The following PLXNA4 variants were observed in gnomAD, a reference collection of about 807,000 sequenced individuals.
The protein encoded by PLXNA4 is plexin-A4.
In PLXNA4, 44 loss-of-function variants were observed where a neutral mutation model predicts 191.8. That is an observed-to-expected ratio of 0.23 (90% CI 0.18 to 0.29). PLXNA4 has a LOEUF of 0.29. PLXNA4 is among the 10% of genes least tolerant of loss of function. The probability of loss-of-function intolerance (pLI) is 1.00; values close to 1 mark genes in which losing one functional copy is unlikely to be tolerated. For synonymous variants in PLXNA4, 1,082 were observed against 1,009.5 expected (o/e 1.07, Z -1.36); for missense variants, 1,800 against 2,488.8 (o/e 0.72, Z 5.89).
intron 4 of PLXNA4, among the ~76,000 whole-genome samples, chr7:132,271,471 T>TC (rs1404097852): frequency 6.7e-6 from 1 of 149,166 alleles, no homozygotes; most frequent in African/African-American, 2.5e-5. Context: ...CAATGTCCCC[T>TC]CCCTCCACCC....
intron 2 of PLXNA4, among the ~76,000 whole-genome samples, chr7:132,610,748 G>C (rs1180421400): frequency 6.6e-6 from 1 of 152,218 alleles, no homozygotes; most frequent in East Asian, 1.9e-4. Context: ...CCATTCATTT[G>C]CCTAAGGCTC....
chr7:132,359,545 A>G (rs1803852018), intron 3 of PLXNA4, among the ~76,000 whole-genome samples: 1 of 152,086 alleles, frequency 6.6e-6, no homozygotes, highest in South Asian at 2.1e-4. Context: ...TGTTCTGTTC[A>G]CTTCATTTGA....
At position 132,524,994 on chromosome 7, in the gene PLXNA4, G is replaced by A. The variant is rs537166501; in HGVS notation, c.-86-16215C>T. Among the ~76,000 whole-genome samples, 68 of 152,160 alleles carry A rather than the reference G, an allele frequency of 4.5e-4. 1 individual carries two copies. Among genetic ancestry groups the A allele is most frequent in the South Asian group, 2.3e-3 (11 of 4,814 alleles). On this transcript the variant is annotated intron_variant, in intron 1 of 31. Coordinates refer to ENST00000321063, the MANE Select transcript of PLXNA4 (RefSeq NM_020911.2). ...TGACATTAAGTATACCCATGTCATG[G>A]TGCAACCATCACTGCCATCCAGAGC...
At chr7:132,630,104 C>A (rs1803463200) in intron 2 of PLXNA4, among the ~76,000 whole-genome samples, 2 of 152,186 alleles carry the variant, frequency 1.3e-5, no homozygotes, top group Admixed American at 6.5e-5. Flanking sequence ...CCTGCCTCGG[C>A]CTCCCAAAGT....
chr7:132,203,631 A>G (rs943188479), intron 10 of PLXNA4, among the ~76,000 whole-genome samples: 15 of 152,226 alleles, frequency 9.9e-5, no homozygotes, highest in African/African-American at 3.6e-4. Flanking sequence ...GGGGTGGAAG[A>G]TAACACAGGG....
chr7:132,178,737 A>C (rs1186054591), intron 20 of PLXNA4, among the ~76,000 whole-genome samples: 5 of 61,254 alleles, frequency 8.2e-5, no homozygotes, highest in African/African-American at 3.5e-4. Flanking sequence ...CACACTTGTA[A>C]ATGAAACACA....
chr7:132,256,891 G>A (rs917004694), intron 4 of PLXNA4, among the ~76,000 whole-genome samples: 1 of 151,630 alleles, frequency 6.6e-6, no homozygotes, highest in Non-Finnish European at 1.5e-5. Context: ...GGGACAGGGT[G>A]GGGGTGAGCA....
At chr7:132,271,315 T>C (rs766992717) in intron 4 of PLXNA4, 1 of 151,748 alleles carries the variant, frequency 6.6e-6, no homozygotes, top group African/African-American at 2.4e-5. Flanking sequence ...CTCATCTTAA[T>C]ATACTAAGTT....
In PLXNA4 at chr7:132,339,815, TGATTA is replaced by T. The variant is rs376216437; in HGVS notation, c.1372-41598_1372-41594del. The stretch of plus-strand genomic sequence containing the variant: ...GCATGCCTGTATTCAGGACTTATTA[TGATTA>T]GATTATAGAATATTTGATTTTAACT... On this transcript the variant is annotated intron_variant, in intron 3 of 31. Transcript: ENST00000321063. 3.2e-4 allele frequency among the ~76,000 whole-genome samples: 48 copies of T among 152,334 alleles called. 3 individuals carry two copies. In the South Asian group the frequency reaches 9.3e-3, roughly 30 times the overall value.
At chr7:132,168,822 G>T (rs1465347002) in intron 21 of PLXNA4, among the ~76,000 whole-genome samples, 1 of 152,208 alleles carries the variant, frequency 6.6e-6, no homozygotes, top group Non-Finnish European at 1.5e-5. Context: ...GGCGGGGCTA[G>T]GATGGCACTC....
intron 4 of PLXNA4, among the ~76,000 whole-genome samples, chr7:132,290,887 C>G (rs1800861988): frequency 6.6e-6 from 1 of 152,194 alleles, no homozygotes; most frequent in African/African-American, 2.4e-5. Flanking sequence ...TAAGAGAAAC[C>G]ATATCCAGGC....
intron 30 of PLXNA4, among the ~76,000 whole-genome samples, chr7:132,136,439 C>G (rs1301772435): frequency 2.0e-5 from 3 of 152,222 alleles, no homozygotes; most frequent in Non-Finnish European, 4.4e-5. Context: ...TGCCCCAGGC[C>G]TGACCTGCTA....
At chr7:132,602,786 A>C (rs557000271) in intron 2 of PLXNA4, among the ~76,000 whole-genome samples, 3 of 152,348 alleles carry the variant, frequency 2.0e-5, no homozygotes, top group East Asian at 3.9e-4. Flanking sequence ...GAAGAGACAC[A>C]GACATGGTGA....
intron 4 of PLXNA4, among the ~76,000 whole-genome samples, chr7:132,260,401 C>T (rs944506194): frequency 6.6e-6 from 1 of 152,084 alleles, no homozygotes; most frequent in African/African-American, 2.4e-5. Flanking sequence ...CAAATTAATG[C>T]AGGAACAGAG....
chr7:132,360,191 A>G (rs1401473740), intron 3 of PLXNA4, among the ~76,000 whole-genome samples: 1 of 152,098 alleles, frequency 6.6e-6, no homozygotes, highest in African/African-American at 2.4e-5. Flanking sequence ...TTCTCTCCCT[A>G]AGCTTACCTT....
intron 4 of PLXNA4, among the ~76,000 whole-genome samples, chr7:132,280,729 C>T (rs2116392335): frequency 6.6e-6 from 1 of 152,280 alleles, no homozygotes; most frequent in Admixed American, 6.5e-5. Flanking sequence ...GCTGAGTCTA[C>T]ACAACAAACT....
intron 3 of PLXNA4, among the ~76,000 whole-genome samples, chr7:132,339,525 A>T (rs887130246): frequency 2.6e-5 from 4 of 152,256 alleles, no homozygotes; most frequent in Non-Finnish European, 5.9e-5. Flanking sequence ...CCTTGCCAAG[A>T]TATTTACTGT....
At chr7:132,528,209 A>G (rs1434539307) in intron 1 of PLXNA4, among the ~76,000 whole-genome samples, 1 of 152,080 alleles carries the variant, frequency 6.6e-6, no homozygotes, top group African/African-American at 2.4e-5. Context: ...AGGGAGGGAG[A>G]GTTGTGGTTG....
intron 3 of PLXNA4, among the ~76,000 whole-genome samples, chr7:132,337,611 G>C (rs1444807964): frequency 6.6e-6 from 1 of 152,156 alleles, no homozygotes; most frequent in Non-Finnish European, 1.5e-5. Flanking sequence ...TTACAAACTA[G>C]ATGTTAAATG....
Sources: allele counts gnomAD v4.1 joint callset (sites outside exome capture counted in the v4.1 genomes callset), GRCh38; gene constraint gnomAD v4.1.1; transcripts MANE v1.5; gene names NCBI Gene and HGNC (gene_info 2026-07-23, HGNC 2026-07-21).